Variants in CDC42BPB observed in about 807,000 individuals in gnomAD.
The protein encoded by CDC42BPB is CDC42 binding protein kinase beta, also known as serine/threonine-protein kinase MRCK beta.
CDC42BPB carries 37 observed loss-of-function variants against 214.9 expected under a neutral mutation model. The observed-to-expected ratio is 0.17, with a 90% CI of 0.13 to 0.23. The LOEUF is 0.23. CDC42BPB is among the 10% of genes least tolerant of loss of function. The probability of loss-of-function intolerance (pLI) is 1.00; values close to 1 mark genes in which losing one functional copy is unlikely to be tolerated. For synonymous variants in CDC42BPB, 931 were observed against 884.0 expected, an observed-to-expected ratio of 1.05 and a Z score of -0.94; for missense variants, 1,694 against 2,227.0, an observed-to-expected ratio of 0.76 and a Z score of 4.82.
At chr14:102,959,484 AT>A in intron 21 of CDC42BPB, 146 bp downstream of exon 21, 2 of 614,778 alleles carry the variant, frequency 3.3e-6, no homozygotes. Flanking sequence ...ATGTGGGTCA[AT>A]TACACAGTTA....
rs938846318 is a variant in CDC42BPB at position 102,963,352 on chromosome 14, G to A, written c.2727-197C>T. On this transcript the variant is annotated intron_variant, in intron 19 of 36. Coordinates refer to ENST00000361246, the MANE Select transcript of CDC42BPB (RefSeq NM_006035.4). ...ATTTCAAATATAAACATTCAAACAGGAATTTAAAAAGTCATGGCTTAGGAA... is the reference window on the plus strand; with the variant it reads ...ATTTCAAATATAAACATTCAAACAGAAATTTAAAAAGTCATGGCTTAGGAA... 40 of 925,416 alleles carry A rather than the reference G, an allele frequency of 4.3e-5. No individual in the cohort carries two copies. The Admixed American group carries it at 4.9e-4, about 11-fold the overall frequency. 57.3% of individuals were successfully genotyped at this position (925,416 alleles called of 1,614,324 possible).
intron 36 of CDC42BPB, 151 bp downstream of exon 36, chr14:102,937,953 G>A (rs1648804673): frequency 3.6e-6 from 3 of 823,510 alleles, no homozygotes; most frequent in African/African-American, 1.7e-5. Flanking sequence ...GGAGGGGACA[G>A]CCACCCCGAC....
chr14:103,038,232 G>C (rs138918133), intron 1 of CDC42BPB, among the ~76,000 whole-genome samples: 10,480 of 151,218 alleles, frequency 0.069, 811 homozygotes, highest in African/African-American at 0.2. Flanking sequence ...CTACTCGGGA[G>C]GCTGAGGCAG....
intron 5 of CDC42BPB, among the ~76,000 whole-genome samples, chr14:102,994,582 G>C (rs1894641935): frequency 6.6e-6 from 1 of 152,230 alleles, no homozygotes; most frequent in Admixed American, 6.5e-5. Flanking sequence ...GCACAGCGGG[G>C]AGCAGCGGCG....
intron 8 of CDC42BPB, among the ~76,000 whole-genome samples, chr14:102,980,394 G>A (rs1276619390): frequency 6.6e-6 from 1 of 152,126 alleles, no homozygotes; most frequent in Non-Finnish European, 1.5e-5. Flanking sequence ...TCGGGAGGCT[G>A]AGGCAGGAGA....
At chr14:102,975,458 G>A (rs1365076225) in intron 11 of CDC42BPB, among the ~76,000 whole-genome samples, 1 of 152,192 alleles carries the variant, frequency 6.6e-6, no homozygotes, top group Non-Finnish European at 1.5e-5. Flanking sequence ...AGGAGGTGGA[G>A]GTTTCAGTGA....
chr14:102,945,493 A>C (rs941823185), intron 29 of CDC42BPB, among the ~76,000 whole-genome samples, 169 bp downstream of exon 29: 19 of 152,242 alleles, frequency 1.2e-4, no homozygotes, highest in Non-Finnish European at 2.2e-4. Context: ...TACGCAACTT[A>C]GCACCGCGTC....
In CDC42BPB at chr14:103,001,060, C is replaced by A. The variant is rs1239743835; in HGVS notation, c.448-1347G>T. Among the ~76,000 whole-genome samples the A allele has an allele frequency of 6.6e-6, 1 of 152,178 alleles. No homozygotes were observed. Among genetic ancestry groups the A allele is most frequent in the African/African-American group, 2.4e-5 (1 of 41,440 alleles). On this transcript the variant is annotated intron_variant, in intron 4 of 36. Coordinates refer to ENST00000361246, the MANE Select transcript of CDC42BPB (RefSeq NM_006035.4). The surrounding 1 kb of genome is among the most constrained non-coding windows in gnomAD (Gnocchi z 5.8). Reference sequence around the variant, plus strand: ...CGACAGAAGCCTTCATTTTAGGTCCCTGCTCTCAACAGAATCTTTACCAGC... The same window carrying A: ...CGACAGAAGCCTTCATTTTAGGTCCATGCTCTCAACAGAATCTTTACCAGC...
In CDC42BPB at chr14:102,959,725, AAAG is replaced by A. The variant is rs1372324557; in HGVS notation, c.2822-18_2822-16del. On this transcript the variant is annotated splice_polypyrimidine_tract_variant and intron_variant, in intron 20 of 36. Transcript: ENST00000361246. ...AAGTTTGAGCCCTGCAAAAAGAAAC[AAAG>A]AATAGTCAAGGCAAAAAAACTAAAG... 6.2e-7 allele frequency: 1 copy of A among 1,607,154 alleles called. No homozygotes were observed. The highest frequency in any genetic ancestry group is 8.5e-7 in the Non-Finnish European group (1 of 1,177,064).
intron 34 of CDC42BPB, 133 bp downstream of exon 34, chr14:102,939,477 C>T (rs750999936): frequency 1.5e-6 from 1 of 677,960 alleles, no homozygotes; most frequent in Non-Finnish European, 2.6e-6. Flanking sequence ...GCTTGTGTGA[C>T]AGGAGCGCCA....
intron 2 of CDC42BPB, among the ~76,000 whole-genome samples, chr14:103,009,884 A>G (rs1415583220): frequency 4.6e-5 from 7 of 152,216 alleles, no homozygotes; most frequent in Admixed American, 1.3e-4. Flanking sequence ...GCTCATGCCT[A>G]TAATCCCAGC....
intron 7 of CDC42BPB, among the ~76,000 whole-genome samples, chr14:102,982,634 T>A (rs28731078): frequency 1.3e-5 from 2 of 152,040 alleles, no homozygotes; most frequent in African/African-American, 4.8e-5. Flanking sequence ...AGCCAGGTGT[T>A]GTGGCAGGCA....
In CDC42BPB at chr14:102,932,584, G is replaced by T. The variant is rs548050171; in HGVS notation, c.*1128C>A. 1.8e-4 allele frequency: 28 copies of T among 152,568 alleles called. No homozygotes were observed. The highest frequency in any genetic ancestry group is 6.7e-4 in the African/African-American group (28 of 41,514). 9.5% of individuals were successfully genotyped at this position (152,568 alleles called of 1,614,324 possible). ...CTGGGCCACTCAGTGCCGACTTGGG[G>T]AAGTGCACGTCCTGAACAGCCTTGC... On this transcript the variant is annotated 3_prime_UTR_variant, in exon 37 of 37. Transcript: ENST00000361246.
At chr14:103,052,631 A>C (rs1888671957) in intron 1 of CDC42BPB, among the ~76,000 whole-genome samples, 1 of 152,184 alleles carries the variant, frequency 6.6e-6, no homozygotes, top group Non-Finnish European at 1.5e-5. Flanking sequence ...ATGAGGAACC[A>C]CCCAGAAGAC....
At chr14:103,029,512 C>T (rs1887231339) in intron 1 of CDC42BPB, among the ~76,000 whole-genome samples, 1 of 148,674 alleles carries the variant, frequency 6.7e-6, no homozygotes, top group Admixed American at 6.8e-5. Flanking sequence ...CACTGCACTT[C>T]AGCCTGGGCA....
rs922738342 is a variant in CDC42BPB at position 102,974,424 on chromosome 14, C to T, written c.1508-275G>A. The T allele has an allele frequency of 3.0e-4, 275 of 923,144 alleles. 1 individual carries two copies. The highest frequency in any genetic ancestry group is 3.4e-4 in the Non-Finnish European group (261 of 774,038). 57.2% of individuals were successfully genotyped at this position (923,144 alleles called of 1,614,324 possible). On this transcript the variant is annotated intron_variant, in intron 11 of 36. Coordinates refer to ENST00000361246, the MANE Select transcript of CDC42BPB (RefSeq NM_006035.4). ...CTGAGCACTGGGAGCCCTTGGGTGG[C>T]GCACACACTCGTCTGCTCAGTCCCT...
intron 12 of CDC42BPB, among the ~76,000 whole-genome samples, chr14:102,973,620 AGCCACCATGCCCTGTGGACG>A (rs1176618986): frequency 8.6e-5 from 13 of 151,422 alleles, no homozygotes; most frequent in East Asian, 1.9e-4. Context: ...CCCTATGCAC[AGCCACCATGCCCTGTGGACG>A]GCCACCATGC....
At chr14:102,952,451 G>T in intron 24 of CDC42BPB, 47 bp downstream of exon 24, 2 of 1,215,426 alleles carry the variant, frequency 1.6e-6, no homozygotes, top group Non-Finnish European at 1.2e-6. Flanking sequence ...TAGCTGCAGG[G>T]GTGTGGGGCT....
chr14:102,935,921 A>G (rs1209469850), intron 36 of CDC42BPB, among the ~76,000 whole-genome samples: 1 of 152,134 alleles, frequency 6.6e-6, no homozygotes, highest in Non-Finnish European at 1.5e-5. Flanking sequence ...AGGACAAACC[A>G]CCCATTTCAA....
Sources: allele counts gnomAD v4.1 joint callset (sites outside exome capture counted in the v4.1 genomes callset), GRCh38; gene constraint gnomAD v4.1.1; non-coding constraint Gnocchi (gnomAD v3.1); transcripts MANE v1.5; gene names NCBI Gene and HGNC (gene_info 2026-07-23, HGNC 2026-07-21).